Variants in LRMDA observed in about 807,000 individuals in gnomAD.
LRMDA encodes the protein leucine rich melanocyte differentiation associated.
In LRMDA, 18 loss-of-function variants were observed where a neutral mutation model predicts 29.8. The ratio of observed to expected loss-of-function variants is 0.60; its 90% CI spans 0.42 to 0.90. The LOEUF is 0.90. Among genes scored for constraint, LRMDA ranks in the 40% least tolerant of loss-of-function variants. The probability of loss-of-function intolerance (pLI) is 0.00; values close to 1 mark genes in which losing one functional copy is unlikely to be tolerated. For missense variants in LRMDA, 273 were observed against 273.9 expected, an observed-to-expected ratio of 1.00 and a Z score of 0.02; for synonymous variants, 125 against 109.4, an observed-to-expected ratio of 1.14 and a Z score of -0.89.
intron 2 of LRMDA, among the ~76,000 whole-genome samples, chr10:75,754,937 A>C (rs536479933): frequency 6.6e-6 from 1 of 152,090 alleles, no homozygotes; most frequent in Non-Finnish European, 1.5e-5. Flanking sequence ...TATGGAAAAC[A>C]GTCTTGTGTA....
chr10:75,797,767 A>G (rs994668064), intron 2 of LRMDA, among the ~76,000 whole-genome samples: 2 of 152,194 alleles, frequency 1.3e-5, no homozygotes, highest in African/African-American at 4.8e-5. Flanking sequence ...GCATGGATAT[A>G]GCACATTTAG....
intron 2 of LRMDA, among the ~76,000 whole-genome samples, chr10:75,666,567 A>G (rs1841825446): frequency 6.6e-6 from 1 of 152,192 alleles, no homozygotes; most frequent in Non-Finnish European, 1.5e-5. Flanking sequence ...CTAACTATGA[A>G]CTAAATAGTT....
chr10:75,842,575 GAAATA>G lies in LRMDA; in HGVS notation c.132-193429_132-193425del, dbSNP rs554488754. Among the ~76,000 whole-genome samples, 8 of 152,300 alleles carry G rather than the reference GAAATA, an allele frequency of 5.3e-5. No individual in the cohort carries two copies. The South Asian group carries it at 1.7e-3, about 32-fold the overall frequency. On this transcript the variant is annotated intron_variant, in intron 2 of 6. Transcript: ENST00000611255. The stretch of plus-strand genomic sequence containing the variant: ...TACAAACAGCATCTTATAAATAAAT[GAAATA>G]AAAGAGAATTTTAAAAGACAGGACA...
At chr10:75,636,592 A>G (rs1168734502) in intron 2 of LRMDA, among the ~76,000 whole-genome samples, 1 of 152,194 alleles carries the variant, frequency 6.6e-6, no homozygotes, top group Non-Finnish European at 1.5e-5. Flanking sequence ...AAGAAATAAT[A>G]AAAAATTAAG....
chr10:76,477,159 C>T (rs1431600283), intron 6 of LRMDA, among the ~76,000 whole-genome samples: 3 of 152,074 alleles, frequency 2.0e-5, no homozygotes, highest in Non-Finnish European at 2.9e-5. Flanking sequence ...ACCCCATCGT[C>T]TCAGCCCAAA....
chr10:76,491,215 A>G (rs533137090), intron 6 of LRMDA, among the ~76,000 whole-genome samples: 1 of 152,110 alleles, frequency 6.6e-6, no homozygotes, highest in South Asian at 2.1e-4. Flanking sequence ...TTTACATACC[A>G]CAATTGCAGT....
chr10:75,513,922 G>A (rs749328961), intron 2 of LRMDA, among the ~76,000 whole-genome samples: 1 of 152,126 alleles, frequency 6.6e-6, no homozygotes, highest in Non-Finnish European at 1.5e-5. Flanking sequence ...ATCTTGGCAG[G>A]AAGCACATTA....
chr10:75,754,539 G>T (rs894438825), intron 2 of LRMDA, among the ~76,000 whole-genome samples: 1 of 152,008 alleles, frequency 6.6e-6, no homozygotes, highest in Non-Finnish European at 1.5e-5. Context: ...CTAACTGCAC[G>T]GGGTGAACTT....
At chr10:76,319,793 G>A (rs940248179) in intron 5 of LRMDA, among the ~76,000 whole-genome samples, 1 of 152,158 alleles carries the variant, frequency 6.6e-6, no homozygotes, top group Non-Finnish European at 1.5e-5. Flanking sequence ...TTTCTGTGGT[G>A]TATGATTTAA....
chr10:75,846,677 G>T (rs2132306472), intron 2 of LRMDA, among the ~76,000 whole-genome samples: 1 of 152,146 alleles, frequency 6.6e-6, no homozygotes, highest in Admixed American at 6.5e-5. Context: ...GTGGAGTGTA[G>T]GCAAAGTAAA....
chr10:75,487,525 G>A (rs137959965), intron 2 of LRMDA, among the ~76,000 whole-genome samples: 97 of 152,304 alleles, frequency 6.4e-4, no homozygotes, highest in Middle Eastern at 3.4e-3. Context: ...TCATGGTTTC[G>A]TGTTTGGGAT....
intron 2 of LRMDA, among the ~76,000 whole-genome samples, chr10:75,697,131 G>A (rs781451487): frequency 1.3e-5 from 2 of 152,076 alleles, no homozygotes; most frequent in Non-Finnish European, 2.9e-5. Context: ...ACCTCAAGGA[G>A]GTGAGATCAG....
chr10:75,468,643 CT>C (rs530135577), intron 2 of LRMDA, among the ~76,000 whole-genome samples: 3 of 151,650 alleles, frequency 2.0e-5, no homozygotes, highest in Non-Finnish European at 4.4e-5. Flanking sequence ...TAAAAGGAAA[CT>C]TTTTTTTTCT....
chr10:76,266,534 C>T (rs959221675), intron 5 of LRMDA, among the ~76,000 whole-genome samples: 1 of 152,022 alleles, frequency 6.6e-6, no homozygotes, highest in Non-Finnish European at 1.5e-5. Context: ...CTTGCAATAC[C>T]TGTTTGAGGA....
rs575153310 is a variant in LRMDA, at chr10:75,871,680, T to C, written c.132-164328T>C. ...TTCAAACCAAGACACAGACCAGTCTTCTAAAAGCTTCTGCCCAGACATCTT... is the reference window on the plus strand; with the variant it reads ...TTCAAACCAAGACACAGACCAGTCTCCTAAAAGCTTCTGCCCAGACATCTT... On this transcript the variant is annotated intron_variant, in intron 2 of 6. Transcript: ENST00000611255. Among the ~76,000 whole-genome samples, 3 of 152,294 alleles carry C rather than the reference T, an allele frequency of 2.0e-5. No homozygotes were observed. The South Asian group carries it at 6.2e-4, about 32-fold the overall frequency.
intron 5 of LRMDA, among the ~76,000 whole-genome samples, chr10:76,071,045 G>A (rs761264685): frequency 6.6e-6 from 1 of 152,188 alleles, no homozygotes; most frequent in Non-Finnish European, 1.5e-5. Flanking sequence ...GATGCCTGGT[G>A]CAGAAGTGAG....
chr10:76,319,630 A>G (rs769078279), intron 5 of LRMDA, among the ~76,000 whole-genome samples: 12 of 152,206 alleles, frequency 7.9e-5, no homozygotes, highest in Non-Finnish European at 1.8e-4. Flanking sequence ...TAAATACTTG[A>G]TAACTAAATG....
chr10:76,384,253 T>C (rs1841632852), intron 6 of LRMDA, among the ~76,000 whole-genome samples: 1 of 152,226 alleles, frequency 6.6e-6, no homozygotes, highest in Non-Finnish European at 1.5e-5. Flanking sequence ...TAGAATTCAC[T>C]CTTATACATT....
intron 2 of LRMDA, among the ~76,000 whole-genome samples, chr10:75,846,417 A>G (rs1259621736): frequency 2.0e-5 from 3 of 152,168 alleles, no homozygotes; most frequent in Non-Finnish European, 4.4e-5. Context: ...CATTTGGTAA[A>G]ATTGTTTTTA....
Sources: gnomAD v4.1 joint callset for allele counts (sites outside exome capture counted in the v4.1 genomes callset) on GRCh38, gnomAD v4.1.1 for gene constraint, MANE v1.5 for transcripts, NCBI Gene and HGNC (gene_info 2026-07-23, HGNC 2026-07-21) for gene names.